XPOT: variants seen among roughly 807,000 people sequenced by gnomAD.
XPOT encodes the protein exportin-T.
A neutral mutation model predicts 128.2 loss-of-function variants in XPOT; 34 were observed. The observed-to-expected ratio is 0.27, with a 90% confidence interval of 0.20 to 0.35. The LOEUF (loss-of-function observed/expected upper bound fraction) is 0.35, where lower values mean the gene tolerates loss of function less well. Ranked by LOEUF, XPOT falls within the 10% of genes least tolerant of loss-of-function variation. XPOT has a pLI of 1.00. For synonymous variants in XPOT, 348 were observed against 394.3 expected (o/e 0.88, Z 1.39); for missense variants, 838 against 1,125.3 (o/e 0.74, Z 3.65).
At chr12:64,408,612 G>A (rs2040004855) in intron 1 of XPOT, among the ~76,000 whole-genome samples, 1 of 152,062 alleles carries the variant, frequency 6.6e-6, no homozygotes, top group African/African-American at 2.4e-5. Context: ...TTACCTCTCA[G>A]AGATTAAAAA....
At chr12:64,416,779 CT>C in intron 4 of XPOT, 25 bp downstream of exon 4, 1 of 1,596,348 alleles carries the variant, frequency 6.3e-7, no homozygotes, top group Non-Finnish European at 8.6e-7. Context: ...ACTGTTTTGA[CT>C]CAGATTTGCG....
In XPOT at chr12:64,434,791, C is replaced by T; in HGVS notation, c.2570-3C>T. ...AAGATGAAAATTTGAATTCTCTTGA[C>T]AGGAGGTAAAGATGGACCAGTGGGA... On this transcript the variant is annotated splice_region_variant and splice_polypyrimidine_tract_variant and intron_variant, in intron 20 of 24. Coordinates refer to ENST00000332707, the MANE Select transcript of XPOT (RefSeq NM_007235.6). 1.2e-6 allele frequency: 2 copies of T among 1,610,944 alleles called. No homozygotes were observed. Among genetic ancestry groups the T allele is most frequent in the Non-Finnish European group, 1.7e-6 (2 of 1,179,120 alleles).
intron 3 of XPOT, 151 bp downstream of exon 3, chr12:64,415,140 T>G (rs1592526234): frequency 1.4e-5 from 8 of 579,968 alleles, no homozygotes; most frequent in Middle Eastern, 4.7e-4. Flanking sequence ...TCATTCCATG[T>G]AGAAATGAGA....
At position 64,404,566 on chromosome 12, in the gene XPOT, TTGCC is replaced by T. The variant is rs1021119408; in HGVS notation, c.-296_-293del. On this transcript the variant is annotated 5_prime_UTR_variant, in exon 1 of 25. Coordinates refer to ENST00000332707, the MANE Select transcript of XPOT (RefSeq NM_007235.6). ...CCCGCCCGCTTGCTTGCTTGCTTGC[TTGCC>T]TGCCTGCCTGCCTGCCCGGCGCCAC... The T allele has an allele frequency of 2.8e-4, 43 of 153,930 alleles. No individual in the cohort carries two copies. In the East Asian group the frequency reaches 6.0e-3, roughly 21 times the overall value. The allele number at this position is 153,930 out of a possible 1,614,324, so 9.5% of individuals were successfully genotyped here.
At chr12:64,417,935 G>C (rs1178552444) in intron 4 of XPOT, 111 bp from the exon 5 acceptor site, 3 of 718,230 alleles carry the variant, frequency 4.2e-6, no homozygotes, top group Non-Finnish European at 6.7e-6. Flanking sequence ...GGGAACTTCA[G>C]ATAATTGAGA....
chr12:64,418,095 A>G lies in XPOT; in HGVS notation c.250A>G (p.Ile84Val). 3 of 1,613,530 alleles carry G rather than the reference A, an allele frequency of 1.9e-6. No individual in the cohort carries two copies. The highest frequency in any genetic ancestry group is 2.2e-5 in the South Asian group (2 of 90,932). Residue 84 changes from isoleucine to valine, a missense_variant, in exon 5 of 25, where the codon ATA becomes GTA. Ile to Val is a conservative substitution (Grantham distance 29). Around this residue, in one of 3 missense-constraint regions of XPOT, gnomAD observed 761 missense variants for 988.3 expected, o/e 0.77. Coordinates refer to ENST00000332707, the MANE Select transcript of XPOT (RefSeq NM_007235.6). ...VQQQLIRETL[I>V]SWLQAQMLNP... is the part of the protein sequence containing the mutation. ...ACAACAGCTAATTAGGGAGACGCTC[A>G]TATCATGGCTGCAAGCTCAGGTAAA...
intron 1 of XPOT, among the ~76,000 whole-genome samples, chr12:64,405,565 C>G (rs1389489916): frequency 6.6e-6 from 1 of 152,236 alleles, no homozygotes; most frequent in East Asian, 1.9e-4. Context: ...TGCCTTCCCC[C>G]AAGAACCTTT....
At chr12:64,415,094 AC>A in intron 3 of XPOT, 105 bp downstream of exon 3, 1 of 725,424 alleles carries the variant, frequency 1.4e-6, no homozygotes, top group Non-Finnish European at 2.3e-6. Context: ...ACATTTTATG[AC>A]TTTTTTTTTT....
At chr12:64,430,711 A>G (rs1354051174) in intron 17 of XPOT, among the ~76,000 whole-genome samples, 1 of 152,202 alleles carries the variant, frequency 6.6e-6, no homozygotes, top group African/African-American at 2.4e-5. Context: ...TTTTGTTGAC[A>G]AACAACAGCA....
At chr12:64,412,659 C>T (rs1275245199) in intron 2 of XPOT, among the ~76,000 whole-genome samples, 1 of 152,194 alleles carries the variant, frequency 6.6e-6, no homozygotes, top group Non-Finnish European at 1.5e-5. Context: ...AACCAACTCT[C>T]TTGATTTCTG....
At chr12:64,408,762 C>T (rs1420452959) in intron 1 of XPOT, among the ~76,000 whole-genome samples, 1 of 152,076 alleles carries the variant, frequency 6.6e-6, no homozygotes, top group African/African-American at 2.4e-5. Context: ...CAACCTCTGC[C>T]TCCTGGGTTC....
In XPOT at chr12:64,425,815, A is replaced by G; in HGVS notation, c.1573A>G (p.Met525Val). ...VEPQHIPCVLMAFLDHRGLRH... is the reference protein window; with the variant it reads ...VEPQHIPCVLVAFLDHRGLRH... ...ATAGTAAAAGTGTCTCCTTCTTTAG[A>G]TGGCTTTCTTAGATCACAGAGGTCT... is the stretch of plus-strand genomic sequence containing the variant. The change falls in exon 15 of 25, where the codon ATG (methionine) becomes GTG (valine). Residue 525 changes from methionine (M) to valine (V), a missense_variant and splice_region_variant. Around this residue, in one of 3 missense-constraint regions of XPOT, gnomAD observed 761 missense variants for 988.3 expected, o/e 0.77. Transcript: ENST00000332707. 1 of 1,613,752 alleles carries G rather than the reference A, an allele frequency of 6.2e-7. No individual in the cohort carries two copies.
chr12:64,416,839 A>G (rs964938585), intron 4 of XPOT, 85 bp downstream of exon 4: 1 of 1,176,706 alleles, frequency 8.5e-7, no homozygotes, highest in Admixed American at 2.0e-5. Context: ...TAAGGAAACC[A>G]TAATACAGGT....
Position 64,420,084 on chromosome 12 carries a change from T to C in XPOT, c.504T>C (p.Asn168=), listed in dbSNP as rs538509696. 1 of 1,572,732 alleles carries C rather than the reference T, an allele frequency of 6.4e-7. No homozygotes were observed. Among genetic ancestry groups the C allele is most frequent in the Admixed American group, 2.1e-5 (1 of 48,326 alleles). ...TTGTATTTTAGGAGGCTCGTAGGAA[T>C]ACTCTCATAAAAGATACCATGAGGG... The part of the protein sequence containing the change: ...VVHTSEEARR[N]TLIKDTMREQ... Residue 168 remains asparagine, a synonymous_variant, in exon 7 of 25, where the codon AAT becomes AAC. Transcript: ENST00000332707.
chr12:64,437,921 G>A (rs753302699), intron 22 of XPOT, among the ~76,000 whole-genome samples: 1 of 152,206 alleles, frequency 6.6e-6, no homozygotes, highest in Non-Finnish European at 1.5e-5. Context: ...TGAGGTTGCA[G>A]TGAGCTGAGA....
At chr12:64,447,713 C>T (rs1036557365) in intron 24 of XPOT, among the ~76,000 whole-genome samples, 1 of 152,182 alleles carries the variant, frequency 6.6e-6, no homozygotes, top group African/African-American at 2.4e-5. Flanking sequence ...CTCCTGGCTT[C>T]AGGCCTCGGC....
intron 1 of XPOT, among the ~76,000 whole-genome samples, chr12:64,409,181 A>G (rs2040011958): frequency 6.6e-6 from 1 of 152,200 alleles, no homozygotes; most frequent in Non-Finnish European, 1.5e-5. Flanking sequence ...CTCTGAGGTC[A>G]GCCATTCTAA....
At chr12:64,418,150 T>C (rs185715245) in intron 5 of XPOT, 35 bp downstream of exon 5, 3 of 1,563,436 alleles carry the variant, frequency 1.9e-6, no homozygotes, top group Admixed American at 3.5e-5. Flanking sequence ...CCTCAAATTA[T>C]TAGATATTTA....
In XPOT at chr12:64,420,534, A is replaced by G. The variant is rs1438438681; in HGVS notation, c.843+13A>G. The G allele has an allele frequency of 6.3e-7, 1 of 1,595,634 alleles. No homozygotes were observed. The stretch of plus-strand genomic sequence containing the variant: ...CAGCATTGACCAGGTTGGTAAATTT[A>G]TATAAAACATTGTATGTAAAGTTGT... On this transcript the variant is annotated intron_variant, in intron 8 of 24. Coordinates refer to ENST00000332707, the MANE Select transcript of XPOT (RefSeq NM_007235.6).
Sources: gnomAD v4.1 joint callset for allele counts (sites outside exome capture counted in the v4.1 genomes callset) on GRCh38, gnomAD v4.1.1 for gene constraint, gnomAD v4.1.1 regional missense constraint, MANE v1.5 for transcripts, NCBI Gene and HGNC (gene_info 2026-07-23, HGNC 2026-07-21) for gene names.